Variants in DEPTOR observed in about 807,000 individuals in gnomAD.
DEPTOR encodes DEP domain-containing mTOR-interacting protein.
In DEPTOR, 41 loss-of-function variants were observed where a neutral mutation model predicts 41.6. That is an observed-to-expected ratio of 0.98 (90% CI 0.77 to 1.28). The LOEUF (loss-of-function observed/expected upper bound fraction) is 1.28, where lower values mean the gene tolerates loss of function less well. Ranked by LOEUF, DEPTOR falls within the 50% of genes most tolerant of loss-of-function variation. DEPTOR has a pLI of 0.00. For missense variants in DEPTOR, 514 were observed against 527.9 expected (o/e 0.97, Z 0.26); for synonymous variants, 195 against 192.3 (o/e 1.01, Z -0.12).
At chr8:119,953,729 A>C (rs1158261695) in intron 3 of DEPTOR, among the ~76,000 whole-genome samples, 1 of 151,432 alleles carries the variant, frequency 6.6e-6, no homozygotes, top group Non-Finnish European at 1.5e-5. Context: ...ATTCCTTCTG[A>C]GTGTGGGGTA....
At chr8:120,002,812 A>ATAT (rs71306853) in intron 5 of DEPTOR, among the ~76,000 whole-genome samples, 165 bp from the exon 6 acceptor site, 4 of 130,120 alleles carry the variant, frequency 3.1e-5, no homozygotes, top group Admixed American at 8.4e-5. Context: ...ATATATATAT[A>ATAT]ATATAAAGTA....
rs1563953010 is a variant in DEPTOR, at chr8:119,873,853, G to A, written c.7G>A (p.Glu3Lys). Reference sequence around the variant, plus strand: ...GCCGCACGGCCCTAAAACCATGGAGGAGGGCGGCAGCACTGGCAGTGCTGG... The same window carrying A: ...GCCGCACGGCCCTAAAACCATGGAGAAGGGCGGCAGCACTGGCAGTGCTGG... Reference protein sequence around the residue: MEEGGSTGSAGSD... With the variant: MEKGGSTGSAGSD... Residue 3 changes from glutamate (E) to lysine (K), a missense_variant, in exon 1 of 9, where the codon GAG becomes AAG. Coordinates refer to ENST00000286234, the MANE Select transcript of DEPTOR (RefSeq NM_022783.4). 6.2e-7 allele frequency: 1 copy of A among 1,613,208 alleles called. No homozygotes were observed. Among genetic ancestry groups the A allele is most frequent in the Non-Finnish European group, 8.5e-7 (1 of 1,179,658 alleles).
chr8:119,947,025 A>C (rs1672212579), intron 3 of DEPTOR, among the ~76,000 whole-genome samples: 1 of 152,172 alleles, frequency 6.6e-6, no homozygotes, highest in South Asian at 2.1e-4. Flanking sequence ...TCACTTGTTC[A>C]TGCTACTTTA....
intron 3 of DEPTOR, among the ~76,000 whole-genome samples, chr8:119,955,046 C>G (rs977646003): frequency 6.6e-6 from 1 of 152,046 alleles, no homozygotes; most frequent in African/African-American, 2.4e-5. Flanking sequence ...TTAGTAGAGA[C>G]AGGGATTTGC....
intron 3 of DEPTOR, among the ~76,000 whole-genome samples, chr8:119,942,813 G>A (rs1413914832): frequency 6.6e-6 from 1 of 152,162 alleles, no homozygotes; most frequent in Non-Finnish European, 1.5e-5. Context: ...GGGAAAATGG[G>A]AAGAAAATGC....
chr8:119,909,393 T>C (rs1396127569), intron 1 of DEPTOR, among the ~76,000 whole-genome samples: 2 of 152,168 alleles, frequency 1.3e-5, no homozygotes, highest in African/African-American at 2.4e-5. Flanking sequence ...ATTTTATAAG[T>C]AGCCACAGGT....
At chr8:119,983,446 G>A (rs937810513) in intron 4 of DEPTOR, among the ~76,000 whole-genome samples, 28 of 151,960 alleles carry the variant, frequency 1.8e-4, no homozygotes, top group African/African-American at 5.8e-4. Flanking sequence ...GTGGAGTGGC[G>A]CCATCTCGGC....
intron 1 of DEPTOR, among the ~76,000 whole-genome samples, chr8:119,924,104 G>T (rs758304886): frequency 6.6e-6 from 1 of 152,124 alleles, no homozygotes; most frequent in Non-Finnish European, 1.5e-5. Context: ...AAATTTGATA[G>T]CTAATTATTT....
chr8:120,009,600 G>A (rs976888617), intron 8 of DEPTOR, among the ~76,000 whole-genome samples: 51 of 150,738 alleles, frequency 3.4e-4, no homozygotes, highest in Non-Finnish European at 2.2e-4. Context: ...GTGACAAAGC[G>A]AGACTCTGTC....
chr8:119,897,105 A>G (rs1827530031), intron 1 of DEPTOR, among the ~76,000 whole-genome samples: 1 of 152,204 alleles, frequency 6.6e-6, no homozygotes, highest in South Asian at 2.1e-4. Flanking sequence ...CTAGAATATG[A>G]GTGTAGTTGG....
chr8:119,950,689 C>T (rs1448912966), intron 3 of DEPTOR, among the ~76,000 whole-genome samples: 6 of 151,986 alleles, frequency 3.9e-5, no homozygotes, highest in African/African-American at 1.2e-4. Flanking sequence ...CTCCGCCTCC[C>T]GTTCAAGCAA....
chr8:119,875,124 G>A (rs6469856), intron 1 of DEPTOR, among the ~76,000 whole-genome samples: 128,103 of 151,962 alleles, frequency 0.84, 54,116 homozygotes, highest in East Asian at 0.97. Context: ...TACGTGGTCA[G>A]AATTAAAGGG....
rs567805850 is a variant in DEPTOR at position 119,898,602 on chromosome 8, T to C, written c.122+24634T>C. Reference sequence around the variant, plus strand: ...AGCTTGGCATGGTGGCATGTGCCTGTGGTCCCAGCTGCTCAGGAGGCTGAG... The same window carrying C: ...AGCTTGGCATGGTGGCATGTGCCTGCGGTCCCAGCTGCTCAGGAGGCTGAG... On this transcript the variant is annotated intron_variant, in intron 1 of 8. Transcript: ENST00000286234. Among the ~76,000 whole-genome samples, 509 of 152,028 alleles carry C rather than the reference T, an allele frequency of 3.3e-3. 1 individual carries two copies. The highest frequency in any genetic ancestry group is 0.011 in the African/African-American group (463 of 41,456).
In DEPTOR at chr8:119,928,416, GA is replaced by G; in HGVS notation, c.143del (p.Lys48ArgfsTer22). ...TTCTTTCAGGCTCAGGCTGCACGAA[GA>G]AAAGGTTATTAAAGATAGACGTCAT... ...GEQLRLRLHE[E>X]KVIKDRRHHL... On this transcript the variant is annotated frameshift_variant, in exon 2 of 9. Coordinates refer to ENST00000286234, the MANE Select transcript of DEPTOR (RefSeq NM_022783.4). LOFTEE classifies it high-confidence loss of function. 1 of 1,612,568 alleles carries G rather than the reference GA, an allele frequency of 6.2e-7. No homozygotes were observed. Among genetic ancestry groups the G allele is most frequent in the Middle Eastern group, 1.7e-4 (1 of 6,054 alleles).
chr8:120,018,501 C>G (rs569599329), intron 8 of DEPTOR, among the ~76,000 whole-genome samples: 1 of 152,284 alleles, frequency 6.6e-6, no homozygotes, highest in African/African-American at 2.4e-5. Context: ...ATTGCTTGAA[C>G]CCGGGAGGTG....
intron 8 of DEPTOR, among the ~76,000 whole-genome samples, chr8:120,018,913 T>C (rs1347266629): frequency 1.3e-5 from 2 of 152,204 alleles, no homozygotes; most frequent in African/African-American, 4.8e-5. Flanking sequence ...CACAGTTCCT[T>C]GTTCACTCAC....
intron 5 of DEPTOR, 92 bp downstream of exon 5, chr8:120,001,802 T>C (rs1812355708): frequency 1.4e-6 from 2 of 1,411,256 alleles, no homozygotes; most frequent in East Asian, 2.4e-5. Context: ...CTGTTCTCTA[T>C]CAGAGCGTAG....
intron 3 of DEPTOR, among the ~76,000 whole-genome samples, chr8:119,946,025 C>G (rs773827275): frequency 6.6e-6 from 1 of 152,174 alleles, no homozygotes; most frequent in South Asian, 2.1e-4. Flanking sequence ...GTTGGTCGGG[C>G]GCTTTGTTGT....
intron 2 of DEPTOR, among the ~76,000 whole-genome samples, 168 bp downstream of exon 2, chr8:119,928,746 T>TC (rs971223110): frequency 3.5e-5 from 3 of 85,258 alleles, no homozygotes; most frequent in African/African-American, 1.7e-4. Flanking sequence ...GTTCTTTCTT[T>TC]TTTTTTTTTT....
Sources: gnomAD v4.1 joint callset for allele counts (sites outside exome capture counted in the v4.1 genomes callset) on GRCh38, gnomAD v4.1.1 for gene constraint, MANE v1.5 for transcripts, NCBI Gene and HGNC (gene_info 2026-07-23, HGNC 2026-07-21) for gene names.